The following CKLF variants were observed in gnomAD, a reference collection of about 807,000 sequenced individuals.
CKLF encodes chemokine-like factor.
CKLF carries 16 observed loss-of-function variants against 12.9 expected under a neutral mutation model. The ratio of observed to expected loss-of-function variants is 1.24; its 90% CI spans 0.84 to 1.88. The LOEUF is 1.88. Among genes scored for constraint, CKLF ranks in the 40% most tolerant of loss-of-function variants. CKLF has a pLI of 0.00. For missense variants in CKLF, 172 were observed against 188.5 expected (o/e 0.91, Z 0.51); for synonymous variants, 61 against 69.0 (o/e 0.88, Z 0.57).
chr16:66,559,586 G>C (rs1407336319), intron 2 of CKLF, among the ~76,000 whole-genome samples: 1 of 152,198 alleles, frequency 6.6e-6, no homozygotes, highest in Non-Finnish European at 1.5e-5. Context: ...TTCACACTCT[G>C]CTTCTCTAGA....
chr16:66,558,598 C>A, intron 2 of CKLF: 1 of 363,000 alleles, frequency 2.8e-6, no homozygotes, highest in Non-Finnish European at 4.9e-6. Context: ...TGTTAGAATT[C>A]ACTTGGATAG....
At position 66,562,845 on chromosome 16, in the gene CKLF, C is replaced by T. The variant is rs780015073; in HGVS notation, c.238-277C>T. On this transcript the variant is annotated intron_variant, in intron 2 of 3. Coordinates refer to ENST00000264001, the MANE Select transcript of CKLF (RefSeq NM_016951.4). ...AAGCAATTTTTGTGCCTCAGCCTCC[C>T]GAGTAGCTGGGATTACAGGCATGCA... 6.6e-5 allele frequency among the ~76,000 whole-genome samples: 10 copies of T among 152,186 alleles called. No individual in the cohort carries two copies. The South Asian group carries it at 1.2e-3, about 19-fold the overall frequency.
chr16:66,558,202 A>ACAT lies in CKLF; in HGVS notation c.93_95dup (p.Ser32dup). On this transcript the variant is annotated inframe_insertion, in exon 2 of 4. Coordinates refer to ENST00000264001, the MANE Select transcript of CKLF (RefSeq NM_016951.4). Reference sequence around the variant, plus strand: ...TTTTTTCTTCTAGGCACTAACTGTGACATCTATGACCTTTTTTATCATCGC... The same window carrying ACAT: ...TTTTTTCTTCTAGGCACTAACTGTGACATCATCTATGACCTTTTTTATCATCGC... 6 of 1,611,264 alleles carry ACAT rather than the reference A, an allele frequency of 3.7e-6. No individual in the cohort carries two copies. Among genetic ancestry groups the ACAT allele is most frequent in the Non-Finnish European group, 5.1e-6 (6 of 1,179,428 alleles).
At chr16:66,563,015 C>T in intron 2 of CKLF, 107 bp from the exon 3 acceptor site, 1 of 1,296,506 alleles carries the variant, frequency 7.7e-7, no homozygotes, top group South Asian at 1.3e-5. Context: ...TGCATTCTGC[C>T]TGCTGACTTT....
intron 1 of CKLF, among the ~76,000 whole-genome samples, chr16:66,554,215 A>G (rs1427968842): frequency 2.0e-5 from 3 of 152,216 alleles, no homozygotes; most frequent in Non-Finnish European, 4.4e-5. Context: ...TCCCTGACTC[A>G]TGGAGTTCTT....
rs1293896795 is a variant in CKLF, at chr16:66,561,624, CA to C, written c.238-1495del. Among the ~76,000 whole-genome samples, 5 of 152,268 alleles carry C rather than the reference CA, an allele frequency of 3.3e-5. No individual in the cohort carries two copies. The East Asian group carries it at 9.6e-4, about 29-fold the overall frequency. Reference sequence around the variant, plus strand: ...TGGTCTGTTGCCTTTTGAAGCAGAGCAAATATCCAACACAGAAGAGAGTTAA... The same window carrying C: ...TGGTCTGTTGCCTTTTGAAGCAGAGCAATATCCAACACAGAAGAGAGTTAA... On this transcript the variant is annotated intron_variant, in intron 2 of 3. Coordinates refer to ENST00000264001, the MANE Select transcript of CKLF (RefSeq NM_016951.4).
intron 1 of CKLF, among the ~76,000 whole-genome samples, chr16:66,557,090 C>A (rs2011478103): frequency 6.6e-6 from 1 of 151,962 alleles, no homozygotes; most frequent in Non-Finnish European, 1.5e-5. Context: ...ATTCTGATTG[C>A]ATTGTTTAGG....
At chr16:66,565,764 C>A in intron 3 of CKLF, 122 bp from the exon 4 acceptor site, 1 of 830,346 alleles carries the variant, frequency 1.2e-6, no homozygotes, top group Non-Finnish European at 2.0e-6. Flanking sequence ...TTAGATGAAG[C>A]ACAGGGAGCA....
At chr16:66,560,798 TAC>T (rs58084691) in intron 2 of CKLF, among the ~76,000 whole-genome samples, 48,541 of 143,434 alleles carry the variant, frequency 0.34, 8,713 homozygotes, top group Middle Eastern at 0.49. Context: ...AAGATAAGTA[TAC>T]ACACACACAC....
Position 66,558,308 on chromosome 16 carries a change from G to C in CKLF, c.197G>C (p.Arg66Thr). Residue 66 changes from arginine (R) to threonine (T), a missense_variant, in exon 2 of 4, where the codon AGA becomes ACA. Transcript: ENST00000264001. Reference protein sequence around the residue: ...ILFFILLYVLRLDRLMKWLFW... With the variant: ...ILFFILLYVLTLDRLMKWLFW... Reference sequence around the variant, plus strand: ...TTTTTCATACTTTTATATGTACTCAGACTTGATCGATTAATGAAGTGGTTA... The same window carrying C: ...TTTTTCATACTTTTATATGTACTCACACTTGATCGATTAATGAAGTGGTTA... 1 of 1,610,292 alleles carries C rather than the reference G, an allele frequency of 6.2e-7. No homozygotes were observed. The highest frequency in any genetic ancestry group is 1.1e-5 in the South Asian group (1 of 89,646).
chr16:66,555,878 GT>G (rs984163462), intron 1 of CKLF, among the ~76,000 whole-genome samples: 27 of 152,210 alleles, frequency 1.8e-4, no homozygotes, highest in Non-Finnish European at 3.1e-4. Flanking sequence ...TTATTGATCA[GT>G]TGGGGAATGG....
chr16:66,565,630 A>C, intron 3 of CKLF: 1 of 484,162 alleles, frequency 2.1e-6, no homozygotes, highest in East Asian at 3.6e-5. Context: ...TGGATTTCAG[A>C]GCCCACACTG....
intron 2 of CKLF, among the ~76,000 whole-genome samples, chr16:66,559,108 T>C (rs2011567338): frequency 6.6e-6 from 1 of 152,186 alleles, no homozygotes; most frequent in Admixed American, 6.5e-5. Context: ...TGAATCCCCC[T>C]GCTGCCCTTC....
At chr16:66,552,824 G>A (rs1294042287) in intron 1 of CKLF, 31 bp downstream of exon 1, 4 of 1,613,662 alleles carry the variant, frequency 2.5e-6, no homozygotes, top group Admixed American at 1.7e-5. Context: ...GCGGGAGGCT[G>A]ATGAAGCTGC....
At chr16:66,556,608 C>T (rs760594770) in intron 1 of CKLF, among the ~76,000 whole-genome samples, 7 of 152,140 alleles carry the variant, frequency 4.6e-5, no homozygotes, top group Non-Finnish European at 1.0e-4. Context: ...AGTGGCCCTT[C>T]ATTTCATAAT....
rs552134291 is a variant in CKLF, at chr16:66,558,329, G to A, written c.218G>A (p.Trp73Ter). The A allele has an allele frequency of 6.2e-7, 1 of 1,604,604 alleles. No homozygotes were observed. Among genetic ancestry groups the A allele is most frequent in the East Asian group, 2.2e-5 (1 of 44,780 alleles). The change falls in exon 2 of 4, where the codon TGG (tryptophan) becomes TAG (stop). Residue 73 changes from tryptophan to a stop codon, truncating the protein, a stop_gained. Coordinates refer to ENST00000264001, the MANE Select transcript of CKLF (RefSeq NM_016951.4). LOFTEE classifies it high-confidence loss of function. ...YVLRLDRLMK[W>*]LFWPLLDIIN... ...CTCAGACTTGATCGATTAATGAAGT[G>A]GTTATTTTGGCCTTTGCTTGTAAGT...
At position 66,552,706 on chromosome 16, in the gene CKLF, T is replaced by G. The variant is rs2232724; in HGVS notation, c.-10T>G. ...TGAGGGAAAGTGCTGCTGCTGGGTC[T>G]GCAGACGCGATGGATAACGTGCAGC... On this transcript the variant is annotated 5_prime_UTR_variant, in exon 1 of 4. Coordinates refer to ENST00000264001, the MANE Select transcript of CKLF (RefSeq NM_016951.4). 1,026 of 1,614,154 alleles carry G rather than the reference T, an allele frequency of 6.4e-4. 2 individuals are homozygous for G. In the African/African-American group the frequency reaches 0.012, roughly 18 times the overall value.
At chr16:66,557,884 TC>T (rs2011509700) in intron 1 of CKLF, among the ~76,000 whole-genome samples, 2 of 152,144 alleles carry the variant, frequency 1.3e-5, no homozygotes, top group African/African-American at 4.8e-5. Flanking sequence ...GAATACCCAG[TC>T]CTCTAAAAGA....
chr16:66,552,679 G>A lies in CKLF; in HGVS notation c.-37G>A. ...CTACTCAGGCAGCCAGCTGAGAAGA[G>A]TTGAGGGAAAGTGCTGCTGCTGGGT... On this transcript the variant is annotated 5_prime_UTR_variant, in exon 1 of 4. Transcript: ENST00000264001. 6.2e-7 allele frequency: 1 copy of A among 1,614,072 alleles called. No individual in the cohort carries two copies. Among genetic ancestry groups the A allele is most frequent in the Non-Finnish European group, 8.5e-7 (1 of 1,180,008 alleles).
Sources: allele counts gnomAD v4.1 joint callset (sites outside exome capture counted in the v4.1 genomes callset), GRCh38; gene constraint gnomAD v4.1.1; transcripts MANE v1.5; gene names NCBI Gene and HGNC (gene_info 2026-07-23, HGNC 2026-07-21).